The following EYA4 variants were observed in gnomAD, a reference collection of about 807,000 sequenced individuals.
The protein encoded by EYA4 is EYA transcriptional coactivator and phosphatase 4, also known as protein phosphatase EYA4.
In EYA4, 31 loss-of-function variants were observed where a neutral mutation model predicts 87.9. The observed-to-expected ratio is 0.35, with a 90% CI of 0.27 to 0.48. EYA4 has a LOEUF of 0.48. Among genes scored for constraint, EYA4 ranks in the 20% least tolerant of loss-of-function variants. EYA4 has a pLI of 0.99. For missense variants in EYA4, 678 were observed against 761.4 expected, an observed-to-expected ratio of 0.89 and a Z score of 1.29; for synonymous variants, 263 against 270.6, an observed-to-expected ratio of 0.97 and a Z score of 0.28.
intron 2 of EYA4, among the ~76,000 whole-genome samples, chr6:133,324,344 C>T (rs562618871): frequency 7.2e-5 from 11 of 152,084 alleles, no homozygotes; most frequent in East Asian, 5.8e-4. Context: ...GTAATTTTGA[C>T]GGAAATGGAA....
intron 1 of EYA4, among the ~76,000 whole-genome samples, chr6:133,252,908 T>C (rs1775016880): frequency 6.6e-6 from 1 of 150,968 alleles, no homozygotes; most frequent in Admixed American, 6.6e-5. Context: ...ATTTACTAAT[T>C]GATGCCTAAG....
chr6:133,386,059 CT>C (rs1230444617), intron 3 of EYA4, among the ~76,000 whole-genome samples: 1 of 151,674 alleles, frequency 6.6e-6, no homozygotes, highest in Non-Finnish European at 1.5e-5. Context: ...TTTTGCTTTC[CT>C]CTGTGTTGCT....
intron 2 of EYA4, among the ~76,000 whole-genome samples, chr6:133,325,733 GGTA>G (rs1243852297): frequency 3.3e-5 from 5 of 152,194 alleles, no homozygotes; most frequent in African/African-American, 1.2e-4. Flanking sequence ...TAAGGGGCAA[GGTA>G]GTAAATGTTT....
chr6:133,525,043 G>A, intron 18 of EYA4, 111 bp from the exon 19 acceptor site: 2 of 1,613,628 alleles, frequency 1.2e-6, no homozygotes, highest in Non-Finnish European at 1.7e-6. Flanking sequence ...AGCGTATAGT[G>A]TCCAGATTTG....
intron 13 of EYA4, among the ~76,000 whole-genome samples, chr6:133,505,233 C>A (rs1173608570): frequency 6.6e-6 from 1 of 152,288 alleles, no homozygotes; most frequent in East Asian, 1.9e-4. Flanking sequence ...TCCCTATCCC[C>A]AAATGCTCCT....
At chr6:133,475,926 T>C (rs188498509) in intron 11 of EYA4, among the ~76,000 whole-genome samples, 28 of 152,280 alleles carry the variant, frequency 1.8e-4, no homozygotes, top group Non-Finnish European at 3.4e-4. Context: ...CAGGGCATGC[T>C]CTTTTGCTTC....
chr6:133,531,141 G>C lies in EYA4; in HGVS notation c.*2336G>C. On this transcript the variant is annotated 3_prime_UTR_variant, in exon 20 of 20. Coordinates refer to ENST00000355286, the MANE Select transcript of EYA4 (RefSeq NM_004100.5). ...GAAACACCCCTTGGAAGGGCAAAGA[G>C]AAGCCGGCTGGTTGCATCACCCCGT... 6.5e-7 allele frequency: 1 copy of C among 1,530,190 alleles called. No homozygotes were observed. The highest frequency in any genetic ancestry group is 2.5e-5 in the East Asian group (1 of 40,816). 94.8% of individuals were successfully genotyped at this position (1,530,190 alleles called of 1,614,324 possible). A position where few individuals can be genotyped will look rare whatever the true frequency, so the allele number is the denominator to read the frequency against.
chr6:133,357,427 A>C (rs952072407), intron 2 of EYA4, among the ~76,000 whole-genome samples: 3 of 152,198 alleles, frequency 2.0e-5, no homozygotes, highest in Admixed American at 1.3e-4. Context: ...ATGTTGTTGA[A>C]GTAGCAAAAT....
chr6:133,381,389 T>A (rs1012679707), intron 2 of EYA4, among the ~76,000 whole-genome samples: 4 of 152,088 alleles, frequency 2.6e-5, no homozygotes, highest in Admixed American at 6.6e-5. Context: ...ACTTTGTGAG[T>A]TGGAAAGACA....
At chr6:133,427,235 A>G (rs1790754185) in intron 3 of EYA4, among the ~76,000 whole-genome samples, 1 of 152,212 alleles carries the variant, frequency 6.6e-6, no homozygotes. Flanking sequence ...CAATTTCTTG[A>G]GTGGAATTAC....
intron 3 of EYA4, among the ~76,000 whole-genome samples, chr6:133,444,680 A>T (rs1792632583): frequency 6.6e-6 from 1 of 152,166 alleles, no homozygotes; most frequent in South Asian, 2.1e-4. Context: ...CCTCAGAAAG[A>T]GTGTGCTCTT....
At chr6:133,401,018 A>G (rs1050794253) in intron 3 of EYA4, among the ~76,000 whole-genome samples, 2 of 152,204 alleles carry the variant, frequency 1.3e-5, no homozygotes, top group African/African-American at 4.8e-5. Flanking sequence ...TGAATCGGTA[A>G]AGAAAATGTG....
intron 11 of EYA4, among the ~76,000 whole-genome samples, chr6:133,473,669 T>C (rs566691367): frequency 6.6e-6 from 1 of 152,080 alleles, no homozygotes; most frequent in South Asian, 2.1e-4. Context: ...TTTTATATCC[T>C]CCTACCTGTG....
intron 1 of EYA4, among the ~76,000 whole-genome samples, chr6:133,270,050 G>A (rs1383945771): frequency 6.6e-6 from 1 of 152,112 alleles, no homozygotes; most frequent in Non-Finnish European, 1.5e-5. Flanking sequence ...ATATTCACTG[G>A]CAGCGGATTA....
intron 3 of EYA4, among the ~76,000 whole-genome samples, chr6:133,441,239 T>C (rs1792254210): frequency 2.0e-5 from 3 of 152,226 alleles, no homozygotes; most frequent in Admixed American, 2.0e-4. Context: ...GGTCCTTTCT[T>C]TTGCAATGTC....
At chr6:133,495,742 G>A (rs963601404) in intron 13 of EYA4, among the ~76,000 whole-genome samples, 6 of 152,176 alleles carry the variant, frequency 3.9e-5, no homozygotes. Context: ...ATAACCTGCA[G>A]GGCCTGTTGA....
chr6:133,376,106 A>G (rs1402190792), intron 2 of EYA4, among the ~76,000 whole-genome samples: 1 of 151,872 alleles, frequency 6.6e-6, no homozygotes, highest in Non-Finnish European at 1.5e-5. Flanking sequence ...GTAATTCTGT[A>G]TCGTTTTCTA....
chr6:133,438,803 G>A (rs1330206753), intron 3 of EYA4, among the ~76,000 whole-genome samples: 1 of 152,032 alleles, frequency 6.6e-6, no homozygotes, highest in African/African-American at 2.4e-5. Context: ...AGCACTTTGG[G>A]AGGCCGAGGT....
At chr6:133,367,084 A>G (rs1784906262) in intron 2 of EYA4, among the ~76,000 whole-genome samples, 3 of 152,214 alleles carry the variant, frequency 2.0e-5, no homozygotes. Context: ...TTGGAGATGA[A>G]GGGTGCTTGA....
Sources: gnomAD v4.1 joint callset for allele counts (sites outside exome capture counted in the v4.1 genomes callset) on GRCh38, gnomAD v4.1.1 for gene constraint, MANE v1.5 for transcripts, NCBI Gene and HGNC (gene_info 2026-07-23, HGNC 2026-07-21) for gene names.